Variants in LINGO2 observed in about 807,000 individuals in gnomAD.
LINGO2 encodes leucine-rich repeat and immunoglobulin-like domain-containing nogo receptor-interacting protein 2.
LINGO2 carries 14 observed loss-of-function variants against 30.6 expected under a neutral mutation model. The ratio of observed to expected loss-of-function variants is 0.46; its 90% confidence interval spans 0.30 to 0.72. The LOEUF is 0.72. LINGO2 is among the 30% of genes least tolerant of loss of function. The probability of loss-of-function intolerance (pLI) is 0.07; values close to 1 mark genes in which losing one functional copy is unlikely to be tolerated. For synonymous variants in LINGO2, 317 were observed against 288.5 expected (o/e 1.10, Z -1.00); for missense variants, 729 against 751.7 (o/e 0.97, Z 0.35).
chr9:28,281,770 T>A (rs1052284166), intron 4 of LINGO2, among the ~76,000 whole-genome samples: 1 of 152,228 alleles, frequency 6.6e-6, no homozygotes, highest in African/African-American at 2.4e-5. Flanking sequence ...ATAGTTTACA[T>A]CCACTTCTAT....
chr9:29,188,706 ACC>A, the LINGO2 span, among the ~76,000 whole-genome samples: 1 of 135,216 alleles, frequency 7.4e-6, no homozygotes, highest in African/African-American at 2.8e-5. Context: ...CGGGGGGCTG[ACC>A]CCCCCACCTC....
intron 3 of LINGO2, among the ~76,000 whole-genome samples, chr9:28,366,156 G>A (rs919895208): frequency 2.0e-5 from 3 of 152,160 alleles, no homozygotes; most frequent in Admixed American, 6.5e-5. Flanking sequence ...TACCATATTA[G>A]TAACTACAGC....
chr9:28,837,681 T>TATATATATATATATATATATATATA, the LINGO2 span, among the ~76,000 whole-genome samples: 88 of 130,752 alleles, frequency 6.7e-4, no homozygotes, highest in Non-Finnish European at 8.9e-4. Flanking sequence ...TATATATATA[T>TATATATATATATATATATATATATA]TTAGGATAAC....
the LINGO2 span, among the ~76,000 whole-genome samples, chr9:28,722,716 C>T: frequency 1.4e-4 from 22 of 152,118 alleles, no homozygotes; most frequent in African/African-American, 5.3e-4. Flanking sequence ...CTCAGGAGGG[C>T]ACTGGGAATA....
chr9:28,485,228 AGC>A (rs1826125152), intron 1 of LINGO2, among the ~76,000 whole-genome samples: 1 of 152,136 alleles, frequency 6.6e-6, no homozygotes, highest in African/African-American at 2.4e-5. Flanking sequence ...AAAGTGCTTC[AGC>A]AGTTCCTCCA....
Position 28,216,983 on chromosome 9 carries a change from G to T in LINGO2, c.-87+78225C>A, listed in dbSNP as rs559574321. 4.0e-5 allele frequency among the ~76,000 whole-genome samples: 6 copies of T among 151,698 alleles called. No homozygotes were observed. In the East Asian group the frequency reaches 9.7e-4, roughly 24 times the overall value. On this transcript the variant is annotated intron_variant, in intron 4 of 5. Coordinates refer to ENST00000379992, the Ensembl canonical transcript of LINGO2. ...CATTATATAAACTAAACAGAAAATG[G>T]CATAAAAAACTGTAATGCCCTTGTT...
chr9:28,324,513 A>C (rs557813433), intron 3 of LINGO2, among the ~76,000 whole-genome samples: 7 of 152,208 alleles, frequency 4.6e-5, no homozygotes, highest in Admixed American at 1.3e-4. Flanking sequence ...CTTGCTGATA[A>C]AATAGCCTGT....
At chr9:28,970,294 T>A in the LINGO2 span, among the ~76,000 whole-genome samples, 1 of 152,104 alleles carries the variant, frequency 6.6e-6, no homozygotes, top group Admixed American at 6.5e-5. Context: ...GACATTTCAT[T>A]TGCATTTCAA....
the LINGO2 span, among the ~76,000 whole-genome samples, chr9:28,884,948 A>T: frequency 0.048 from 220 of 4,578 alleles, 7 homozygotes; most frequent in African/African-American, 0.067. Flanking sequence ...TAATATATAT[A>T]ATATATAATA....
chr9:27,993,623 T>C (rs1002398162), intron 5 of LINGO2, among the ~76,000 whole-genome samples: 1 of 152,168 alleles, frequency 6.6e-6, no homozygotes, highest in Admixed American at 6.5e-5. Context: ...AATGGATATA[T>C]TTTCCTCTTT....
In LINGO2 at chr9:27,989,795, C is replaced by A. The variant is rs561085947; in HGVS notation, c.-36+22560G>T. Among the ~76,000 whole-genome samples, 4 of 152,088 alleles carry A rather than the reference C, an allele frequency of 2.6e-5. No homozygotes were observed. The South Asian group carries it at 8.3e-4, about 32-fold the overall frequency. ...TTTGACCAAATGAAGAAACAGAAAT[C>A]TGGAAAGCTTAATGATGAAGTTCAT... On this transcript the variant is annotated intron_variant, in intron 5 of 5. Coordinates refer to ENST00000379992, the Ensembl canonical transcript of LINGO2.
chr9:28,107,938 T>A (rs1473171492), intron 4 of LINGO2, among the ~76,000 whole-genome samples: 1 of 152,144 alleles, frequency 6.6e-6, no homozygotes, highest in Non-Finnish European at 1.5e-5. Context: ...GAGACCCACT[T>A]CACTTTTCAG....
chr9:28,008,359 A>G (rs913486983), intron 5 of LINGO2, among the ~76,000 whole-genome samples: 4 of 152,162 alleles, frequency 2.6e-5, no homozygotes, highest in African/African-American at 9.6e-5. Context: ...TAAAATATGT[A>G]AATACAACCA....
the LINGO2 span, among the ~76,000 whole-genome samples, chr9:28,738,144 C>G: frequency 2.0e-5 from 3 of 152,102 alleles, no homozygotes; most frequent in African/African-American, 7.2e-5. Flanking sequence ...GACAAGAACA[C>G]AAGCATTAAT....
chr9:28,645,180 T>G (rs1481531409), intron 1 of LINGO2, among the ~76,000 whole-genome samples: 1 of 152,052 alleles, frequency 6.6e-6, no homozygotes, highest in Non-Finnish European at 1.5e-5. Context: ...CCTACTGAAT[T>G]AGTTATGGTG....
At chr9:28,674,853 T>C (rs1423599315), upstream of LINGO2, among the ~76,000 whole-genome samples, 2 of 152,080 alleles carry the variant, frequency 1.3e-5, no homozygotes, top group Non-Finnish European at 2.9e-5. Context: ...CACTAAAGGA[T>C]CATCCAACAG....
the LINGO2 span, among the ~76,000 whole-genome samples, chr9:28,729,602 A>G: frequency 1.3e-5 from 2 of 152,058 alleles, no homozygotes; most frequent in South Asian, 2.1e-4. Flanking sequence ...AAAAATCACA[A>G]TATCCTAAAT....
At chr9:28,578,663 A>C (rs1521735) in intron 1 of LINGO2, among the ~76,000 whole-genome samples, 89,708 of 151,910 alleles carry the variant, frequency 0.59, 26,855 homozygotes, top group East Asian at 0.7. Flanking sequence ...ATTGGTCATT[A>C]TAGTTATAAA....
At chr9:28,028,679 G>C (rs1286581413) in intron 4 of LINGO2, among the ~76,000 whole-genome samples, 3 of 152,060 alleles carry the variant, frequency 2.0e-5, no homozygotes, top group African/African-American at 7.2e-5. Context: ...CATGTCACTA[G>C]ATTACTTGTA....
Sources: allele counts gnomAD v4.1 joint callset (sites outside exome capture counted in the v4.1 genomes callset), GRCh38; gene constraint gnomAD v4.1.1; transcripts MANE v1.5; gene names NCBI Gene and HGNC (gene_info 2026-07-23, HGNC 2026-07-21).